VTI1A: variants seen among roughly 807,000 people sequenced by gnomAD.
VTI1A encodes the protein vesicle transport through interaction with t-SNAREs homolog 1A.
VTI1A carries 22 observed loss-of-function variants against 34.9 expected under a neutral mutation model. The ratio of observed to expected loss-of-function variants is 0.63; its 90% CI spans 0.45 to 0.90. VTI1A has a LOEUF of 0.90. Among genes scored for constraint, VTI1A ranks in the 40% least tolerant of loss-of-function variants. The probability of loss-of-function intolerance (pLI) is 0.00; values close to 1 mark genes in which losing one functional copy is unlikely to be tolerated. For synonymous variants in VTI1A, 87 were observed against 97.3 expected (o/e 0.89, Z 0.62); for missense variants, 268 against 275.6 (o/e 0.97, Z 0.20).
At chr10:112,585,295 G>A (rs943061822) in intron 5 of VTI1A, among the ~76,000 whole-genome samples, 3 of 152,204 alleles carry the variant, frequency 2.0e-5, no homozygotes, top group Non-Finnish European at 1.5e-5. Context: ...AAACAGGCAT[G>A]CCACTTAGGA....
chr10:112,668,830 A>G, intron 6 of VTI1A, 107 bp from the exon 7 acceptor site: 1 of 1,217,102 alleles, frequency 8.2e-7, no homozygotes, highest in South Asian at 1.3e-5. Context: ...GTATTTGAAC[A>G]TTTTTATTGT....
intron 1 of VTI1A, among the ~76,000 whole-genome samples, chr10:112,452,930 T>C (rs1847294992): frequency 7.3e-6 from 1 of 137,742 alleles, no homozygotes; most frequent in Non-Finnish European, 1.6e-5. Context: ...GGTCATACTT[T>C]ATTCAGATTT....
At chr10:112,848,496 G>A in the VTI1A span, among the ~76,000 whole-genome samples, 1 of 152,194 alleles carries the variant, frequency 6.6e-6, no homozygotes, top group Non-Finnish European at 1.5e-5. Flanking sequence ...CCTCAAGAGA[G>A]ACTTCCAGCA....
chr10:112,761,764 CTT>C (rs1851470907), intron 7 of VTI1A, among the ~76,000 whole-genome samples: 1 of 110,468 alleles, frequency 9.1e-6, no homozygotes. Flanking sequence ...CTCTCTCTTT[CTT>C]TCTCTGTGTG....
At chr10:112,449,788 C>T (rs1305866723) in intron 1 of VTI1A, 1 of 152,130 alleles carries the variant, frequency 6.6e-6, no homozygotes, top group Non-Finnish European at 1.5e-5. Flanking sequence ...TATGTCTTTC[C>T]TTAGCTGTAG....
At chr10:112,794,706 C>A (rs1852613727) in intron 7 of VTI1A, among the ~76,000 whole-genome samples, 1 of 152,130 alleles carries the variant, frequency 6.6e-6, no homozygotes, top group South Asian at 2.1e-4. Flanking sequence ...TCATACTATA[C>A]GTACTATTTG....
chr10:112,568,630 A>G (rs564424504), intron 5 of VTI1A, among the ~76,000 whole-genome samples: 1 of 152,350 alleles, frequency 6.6e-6, no homozygotes, highest in East Asian at 1.9e-4. Flanking sequence ...TGGAAAGGTT[A>G]GAGAACTCTA....
chr10:112,743,021 TG>T (rs1850750424), intron 7 of VTI1A, among the ~76,000 whole-genome samples: 1 of 135,384 alleles, frequency 7.4e-6, no homozygotes, highest in Non-Finnish European at 1.6e-5. Context: ...CTCGTGTGTG[TG>T]TGTGTGTGTG....
downstream of VTI1A, among the ~76,000 whole-genome samples, chr10:112,822,722 G>A (rs764490643): frequency 2.0e-5 from 3 of 152,154 alleles, no homozygotes; most frequent in Non-Finnish European, 4.4e-5. Context: ...GGAGAAACTC[G>A]AGTGAGAACT....
chr10:112,609,030 A>T (rs1845192927), intron 5 of VTI1A, among the ~76,000 whole-genome samples: 1 of 152,208 alleles, frequency 6.6e-6, no homozygotes, highest in African/African-American at 2.4e-5. Flanking sequence ...GAAGTTGGAA[A>T]TCGAAATCTA....
intron 3 of VTI1A, among the ~76,000 whole-genome samples, chr10:112,522,349 T>C (rs1261393673): frequency 6.6e-6 from 1 of 152,050 alleles, no homozygotes; most frequent in Non-Finnish European, 1.5e-5. Flanking sequence ...CCAATTCTTC[T>C]ATAGACCCAT....
At chr10:112,657,827 GTGTA>G in intron 5 of VTI1A, among the ~76,000 whole-genome samples, 1 of 152,060 alleles carries the variant, frequency 6.6e-6, no homozygotes, top group African/African-American at 2.4e-5. Context: ...GTGTTTGTGT[GTGTA>G]TATATATGCC....
chr10:112,605,220 G>C (rs1845030372), intron 5 of VTI1A, among the ~76,000 whole-genome samples: 1 of 152,060 alleles, frequency 6.6e-6, no homozygotes, highest in Admixed American at 6.6e-5. Flanking sequence ...GGCTCCTGGG[G>C]CAGAAAGAGG....
At chr10:112,633,481 C>T (rs748342884) in intron 5 of VTI1A, among the ~76,000 whole-genome samples, 6 of 152,118 alleles carry the variant, frequency 3.9e-5, no homozygotes, top group African/African-American at 1.4e-4. Context: ...TATGCTAGCA[C>T]GAAGGGATAA....
chr10:112,710,463 T>C (rs566908435), intron 7 of VTI1A, among the ~76,000 whole-genome samples: 8 of 152,142 alleles, frequency 5.3e-5, no homozygotes, highest in Non-Finnish European at 8.8e-5. Flanking sequence ...CACCTTGGCC[T>C]CCCAAAATGC....
At position 112,815,540 on chromosome 10, in the gene VTI1A, T is replaced by G. The variant is rs1853493724; in HGVS notation, c.*157T>G. On this transcript the variant is annotated 3_prime_UTR_variant, in exon 8 of 8. Transcript: ENST00000393077. ...TGAAGTGCAAAGAGTGTAAAAATATTTTCTATTCCTGTTTGCATGTGGGTT... is the reference window on the plus strand; with the variant it reads ...TGAAGTGCAAAGAGTGTAAAAATATGTTCTATTCCTGTTTGCATGTGGGTT... 1 of 627,594 alleles carries G rather than the reference T, an allele frequency of 1.6e-6. No individual in the cohort carries two copies. Among genetic ancestry groups the G allele is most frequent in the South Asian group, 2.0e-5 (1 of 49,952 alleles). The allele number at this position is 627,594 out of a possible 1,614,324, so 38.9% of individuals were successfully genotyped here. A position where few individuals can be genotyped will look rare whatever the true frequency, so the allele number is the denominator to read the frequency against.
intron 3 of VTI1A, among the ~76,000 whole-genome samples, chr10:112,484,561 C>T (rs1450067879): frequency 6.6e-6 from 1 of 152,194 alleles, no homozygotes; most frequent in African/African-American, 2.4e-5. Context: ...TATCAACTTA[C>T]ACACTGTTTC....
At position 112,730,354 on chromosome 10, in the gene VTI1A, A is replaced by G. The variant is rs146617504; in HGVS notation, c.560+61356A>G. Reference sequence around the variant, plus strand: ...ATTGATAATTCTGTCTTTCAGCACAACTTTGTAAAGTTGAAGTCCCTGCCA... The same window carrying G: ...ATTGATAATTCTGTCTTTCAGCACAGCTTTGTAAAGTTGAAGTCCCTGCCA... On this transcript the variant is annotated intron_variant, in intron 7 of 7. Coordinates refer to ENST00000393077, the MANE Select transcript of VTI1A (RefSeq NM_145206.4). Among the ~76,000 whole-genome samples the G allele has an allele frequency of 1.1e-3, 166 of 152,276 alleles. 1 individual carries two copies. The highest frequency in any genetic ancestry group is 3.7e-3 in the African/African-American group (154 of 41,558).
At chr10:112,779,765 G>A (rs1852058933) in intron 7 of VTI1A, among the ~76,000 whole-genome samples, 1 of 54,130 alleles carries the variant, frequency 1.8e-5, no homozygotes, top group Non-Finnish European at 3.9e-5. Context: ...TCGGAAAATA[G>A]GCATCTGAAG....
Sources: gnomAD v4.1 joint callset for allele counts (sites outside exome capture counted in the v4.1 genomes callset) on GRCh38, gnomAD v4.1.1 for gene constraint, MANE v1.5 for transcripts, NCBI Gene and HGNC (gene_info 2026-07-23, HGNC 2026-07-21) for gene names.